SRPK2: variants seen among roughly 807,000 people sequenced by gnomAD.
SRPK2 encodes the protein SFRS protein kinase 2.
In SRPK2, 21 loss-of-function variants were observed where a neutral mutation model predicts 90.8. The observed-to-expected ratio is 0.23, with a 90% CI of 0.16 to 0.33. SRPK2 has a LOEUF of 0.33. Among genes scored for constraint, SRPK2 ranks in the 10% least tolerant of loss-of-function variants. The pLI is 1.00. For missense variants in SRPK2, 620 were observed against 869.0 expected (o/e 0.71, Z 3.60); for synonymous variants, 288 against 311.1 (o/e 0.93, Z 0.78).
chr7:105,398,470 G>A (rs1019883791), intron 1 of SRPK2, among the ~76,000 whole-genome samples: 4 of 145,934 alleles, frequency 2.7e-5, no homozygotes, highest in Non-Finnish European at 4.5e-5. Flanking sequence ...TGGAACCTCC[G>A]CCTCCCAGGT....
intron 2 of SRPK2, among the ~76,000 whole-genome samples, chr7:105,293,134 C>T (rs1809289976): frequency 1.3e-5 from 2 of 152,078 alleles, no homozygotes; most frequent in Admixed American, 1.3e-4. Context: ...CCCATCTCTA[C>T]TAAAAATACA....
chr7:105,244,766 T>C (rs1801359016), intron 2 of SRPK2: 1 of 993,272 alleles, frequency 1.0e-6, no homozygotes, highest in East Asian at 2.4e-5. Flanking sequence ...ACACACCAAG[T>C]TTGTGCGGGA....
intron 2 of SRPK2, among the ~76,000 whole-genome samples, chr7:105,380,609 T>C (rs1479243916): frequency 6.6e-6 from 1 of 150,666 alleles, no homozygotes; most frequent in Non-Finnish European, 1.5e-5. Flanking sequence ...CTGCAAGCTC[T>C]GCCTCCCGGG....
chr7:105,321,988 T>C lies in SRPK2; in HGVS notation c.71+66660A>G, dbSNP rs2131556261. On this transcript the variant is annotated intron_variant, in intron 2 of 15. Coordinates refer to ENST00000393651, the MANE Select transcript of SRPK2 (RefSeq NM_182692.3). ...GAAAACTAGTACTTCAAATAATATG[T>C]ACACCCATGATCACAGCAGCATTAT... 2.6e-5 allele frequency among the ~76,000 whole-genome samples: 4 copies of C among 152,294 alleles called. 2 individuals carry two copies. In the South Asian group the frequency reaches 8.3e-4, roughly 32 times the overall value.
intron 2 of SRPK2, among the ~76,000 whole-genome samples, chr7:105,377,861 C>T (rs1329877947): frequency 1.3e-5 from 2 of 152,190 alleles, no homozygotes; most frequent in Non-Finnish European, 2.9e-5. Context: ...TCTCCTCTCA[C>T]ATTAAACTGG....
chr7:105,373,389 A>G (rs13232478), intron 2 of SRPK2, among the ~76,000 whole-genome samples: 1 of 142,622 alleles, frequency 7.0e-6, no homozygotes, highest in African/African-American at 2.5e-5. Flanking sequence ...AAAAAAAAAA[A>G]TTTTTTTTCT....
At chr7:105,208,019 C>T (rs1413279450) in intron 2 of SRPK2, among the ~76,000 whole-genome samples, 1 of 152,084 alleles carries the variant, frequency 6.6e-6, no homozygotes, top group Non-Finnish European at 1.5e-5. Flanking sequence ...AGAGGATATA[C>T]ACATGACCAA....
At chr7:105,329,676 C>T (rs978149477) in intron 2 of SRPK2, among the ~76,000 whole-genome samples, 1 of 151,928 alleles carries the variant, frequency 6.6e-6, no homozygotes, top group East Asian at 1.9e-4. Context: ...GAAGTGACAC[C>T]CAATTCAGCA....
At chr7:105,379,089 T>G (rs1222276375) in intron 2 of SRPK2, among the ~76,000 whole-genome samples, 1 of 151,704 alleles carries the variant, frequency 6.6e-6, no homozygotes, top group Admixed American at 6.6e-5. Flanking sequence ...GCCAGGAATT[T>G]GAGGTGGCAG....
intron 2 of SRPK2, among the ~76,000 whole-genome samples, chr7:105,218,864 TGAAAA>T (rs1293432794): frequency 8.0e-5 from 12 of 150,340 alleles, no homozygotes; most frequent in Non-Finnish European, 1.5e-4. Flanking sequence ...CCTTCGTAGT[TGAAAA>T]GAAAAAGAAG....
At chr7:105,154,040 G>A (rs185582505) in intron 7 of SRPK2, among the ~76,000 whole-genome samples, 1 of 152,296 alleles carries the variant, frequency 6.6e-6, no homozygotes, top group Admixed American at 6.5e-5. Flanking sequence ...AATAAAAGAG[G>A]ACAAGAGCCA....
chr7:105,191,547 G>C (rs1450905822), intron 3 of SRPK2, among the ~76,000 whole-genome samples: 1 of 152,158 alleles, frequency 6.6e-6, no homozygotes, highest in Admixed American at 6.5e-5. Flanking sequence ...AATAGAATGA[G>C]ACACTCTATC....
At chr7:105,389,020 C>A, upstream of SRPK2, 1 of 944,546 alleles carries the variant, frequency 1.1e-6, no homozygotes, top group South Asian at 5.0e-5. Context: ...CCCCGGGGGT[C>A]GGGACCCCAG....
At chr7:105,248,319 G>GGT (rs1696128035) in intron 2 of SRPK2, among the ~76,000 whole-genome samples, 1 of 151,914 alleles carries the variant, frequency 6.6e-6, no homozygotes. Context: ...GATTAGGGGT[G>GGT]GTGGCACAAG....
intron 3 of SRPK2, among the ~76,000 whole-genome samples, chr7:105,176,290 A>C (rs1274496759): frequency 6.6e-6 from 1 of 152,172 alleles, no homozygotes; most frequent in Non-Finnish European, 1.5e-5. Context: ...TCTTGATCAC[A>C]ATTCTCAATG....
intron 9 of SRPK2, among the ~76,000 whole-genome samples, chr7:105,144,974 CAGGTGCCTGTA>C (rs1804352340): frequency 6.6e-6 from 1 of 151,970 alleles, no homozygotes; most frequent in South Asian, 2.1e-4. Flanking sequence ...GGTGCGGTGG[CAGGTGCCTGTA>C]ATCCCAGCTA....
chr7:105,162,509 A>C (rs1003773150), intron 6 of SRPK2, among the ~76,000 whole-genome samples: 11 of 152,258 alleles, frequency 7.2e-5, no homozygotes. Flanking sequence ...TAGAATCAAA[A>C]AAAGTAGTTG....
chr7:105,389,010 C>G (rs1390756610), upstream of SRPK2: 11 of 990,386 alleles, frequency 1.1e-5, 1 homozygote, highest in African/African-American at 1.1e-4. Context: ...CACCCGCCGG[C>G]CCCGGGGGTC....
At chr7:105,159,470 A>AAAAAAAAAAAAC (rs1563005939) in intron 7 of SRPK2, among the ~76,000 whole-genome samples, 2 of 149,002 alleles carry the variant, frequency 1.3e-5, no homozygotes, top group Non-Finnish European at 3.0e-5. Context: ...AAAAAAAAAA[A>AAAAAAAAAAAAC]AAACCGTACA....
Sources: allele counts gnomAD v4.1 joint callset (sites outside exome capture counted in the v4.1 genomes callset), GRCh38; gene constraint gnomAD v4.1.1; transcripts MANE v1.5; gene names NCBI Gene and HGNC (gene_info 2026-07-23, HGNC 2026-07-21).